Variants in LRRN3 observed in about 807,000 individuals in gnomAD.
LRRN3 encodes leucine-rich repeat neuronal protein 3.
In LRRN3, 15 loss-of-function variants were observed where a neutral mutation model predicts 40.1. That is an observed-to-expected ratio of 0.37 (90% confidence interval 0.25 to 0.58). LRRN3 has a LOEUF of 0.58. Among genes scored for constraint, LRRN3 ranks in the 20% least tolerant of loss-of-function variants. The probability of loss-of-function intolerance (pLI) is 0.72; values close to 1 mark genes in which losing one functional copy is unlikely to be tolerated. For synonymous variants in LRRN3, 308 were observed against 297.2 expected (o/e 1.04, Z -0.37); for missense variants, 746 against 837.7 (o/e 0.89, Z 1.35).
At chr7:111,097,422 A>C (rs1368890767) in intron 1 of LRRN3, 2 of 151,864 alleles carry the variant, frequency 1.3e-5, no homozygotes, top group African/African-American at 4.8e-5. Flanking sequence ...CTTTTTTCTA[A>C]AATTATCAAA....
At chr7:111,091,840 G>A (rs564674196) in intron 1 of LRRN3, among the ~76,000 whole-genome samples, 7 of 152,076 alleles carry the variant, frequency 4.6e-5, no homozygotes, top group South Asian at 2.1e-4. Flanking sequence ...GAGGAGGAGA[G>A]GGAGAGAGAA....
At chr7:111,119,043 C>T (rs1490742918) in intron 2 of LRRN3, among the ~76,000 whole-genome samples, 2 of 152,060 alleles carry the variant, frequency 1.3e-5, no homozygotes, top group African/African-American at 2.4e-5. Flanking sequence ...ATTAAGACTC[C>T]CCCAGAAAGA....
chr7:111,123,049 A>C lies in LRRN3; in HGVS notation c.277A>C (p.Asn93His). The change falls in exon 3 of 3, where the codon AAC (asparagine) becomes CAC (histidine). Residue 93 changes from asparagine to histidine, a missense_variant. Asn to His is a moderately conservative substitution (Grantham distance 68). Transcript: ENST00000308478. The surrounding 1 kb of genome is among the most constrained non-coding windows in gnomAD (Gnocchi z 6.4). ...TGAATACTCCACAGACTTTCCAGTAAACCTTACTGGCCTGGATTTATCTCA... is the reference window on the plus strand; with the variant it reads ...TGAATACTCCACAGACTTTCCAGTACACCTTACTGGCCTGGATTTATCTCA... ...KIEYSTDFPV[N>H]LTGLDLSQNN... The C allele has an allele frequency of 6.2e-7, 1 of 1,613,926 alleles. No homozygotes were observed. Among genetic ancestry groups the C allele is most frequent in the Non-Finnish European group, 8.5e-7 (1 of 1,179,970 alleles).
intron 2 of LRRN3, among the ~76,000 whole-genome samples, chr7:111,116,514 T>C (rs1799898870): frequency 6.6e-6 from 1 of 152,120 alleles, no homozygotes; most frequent in Admixed American, 6.6e-5. Context: ...AAATAATTTT[T>C]CTCTAATAAA....
chr7:111,095,637 T>C lies in LRRN3; in HGVS notation c.-441+4133T>C, dbSNP rs183945797. Among the ~76,000 whole-genome samples the C allele has an allele frequency of 8.3e-4, 127 of 152,166 alleles. 1 individual carries two copies. The highest frequency in any genetic ancestry group is 8.3e-3 in the Admixed American group (126 of 15,224). On this transcript the variant is annotated intron_variant, in intron 1 of 2. Coordinates refer to ENST00000308478, the MANE Select transcript of LRRN3 (RefSeq NM_001099658.2). The stretch of plus-strand genomic sequence containing the variant: ...AGAGTTTTGCCCTGTTTTTAAAACA[T>C]GTTAATAATAATACTGCTATCCTTC...
intron 2 of LRRN3, among the ~76,000 whole-genome samples, chr7:111,111,410 C>CA (rs1478043099): frequency 8.8e-5 from 13 of 148,500 alleles, no homozygotes; most frequent in Non-Finnish European, 1.2e-4. Context: ...CATCCCCCCC[C>CA]AAAAAAAAAT....
chr7:111,114,267 TA>T (rs1291157944), intron 2 of LRRN3, among the ~76,000 whole-genome samples: 10 of 152,298 alleles, frequency 6.6e-5, no homozygotes, highest in Non-Finnish European at 7.4e-5. Flanking sequence ...GTACAGCTCC[TA>T]AGGATCTTTT....
At chr7:111,107,676 C>A (rs542726274) in intron 2 of LRRN3, among the ~76,000 whole-genome samples, 1 of 151,966 alleles carries the variant, frequency 6.6e-6, no homozygotes, top group South Asian at 2.1e-4. Flanking sequence ...ACAATAGATG[C>A]GTTTCATGCT....
rs766727262 is a variant in LRRN3, at chr7:111,124,902, A to G, written c.*3A>G. 3 of 1,527,578 alleles carry G rather than the reference A, an allele frequency of 2.0e-6. No homozygotes were observed. The South Asian group carries it at 3.9e-5, about 20-fold the overall frequency. The allele number at this position is 1,527,578 out of a possible 1,614,324, so 94.6% of individuals were successfully genotyped here. On this transcript the variant is annotated 3_prime_UTR_variant, in exon 3 of 3. Coordinates refer to ENST00000308478, the MANE Select transcript of LRRN3 (RefSeq NM_001099658.2). ...GTTTACCAACAAATATGTCCTAAAAACCACCAAGGAAACCTACTCCAAAAA... is the reference window on the plus strand; with the variant it reads ...GTTTACCAACAAATATGTCCTAAAAGCCACCAAGGAAACCTACTCCAAAAA...
intron 2 of LRRN3, among the ~76,000 whole-genome samples, chr7:111,110,250 T>A (rs1460792378): frequency 1.3e-5 from 2 of 152,194 alleles, no homozygotes; most frequent in Non-Finnish European, 2.9e-5. Flanking sequence ...GGGAAAATGA[T>A]ATTCTTTTTC....
chr7:111,121,280 CA>C (rs1386125964), intron 2 of LRRN3, among the ~76,000 whole-genome samples: 9 of 152,214 alleles, frequency 5.9e-5, no homozygotes, highest in Non-Finnish European at 1.3e-4. Flanking sequence ...GAGTAGATTG[CA>C]AAAATTTTCT....
chr7:111,124,889 A>C lies in LRRN3; in HGVS notation c.2117A>C (p.Asn706Thr). The C allele has an allele frequency of 6.3e-7, 1 of 1,576,476 alleles. No individual in the cohort carries two copies. The highest frequency in any genetic ancestry group is 8.6e-7 in the Non-Finnish European group (1 of 1,167,032). ...VKATVIGLPT[N>T]MS is the part of the protein sequence containing the mutation. The stretch of plus-strand genomic sequence containing the variant: ...GCAACTGTTATAGGTTTACCAACAA[A>C]TATGTCCTAAAAACCACCAAGGAAA... The change falls in exon 3 of 3, where the codon AAT (asparagine) becomes ACT (threonine). Residue 706 changes from asparagine (N) to threonine (T), a missense_variant. Physicochemically the swap from Asn to Thr is moderately conservative, Grantham distance 65. Transcript: ENST00000308478.
At chr7:111,094,140 C>T (rs750208053) in intron 1 of LRRN3, among the ~76,000 whole-genome samples, 2 of 152,040 alleles carry the variant, frequency 1.3e-5, no homozygotes, top group East Asian at 1.9e-4. Context: ...CTCCTCCCCC[C>T]GAATCTGAAT....
intron 2 of LRRN3, among the ~76,000 whole-genome samples, chr7:111,108,354 G>A (rs536761929): frequency 6.6e-6 from 1 of 152,112 alleles, no homozygotes; most frequent in African/African-American, 2.4e-5. Context: ...CAATCATTAA[G>A]AATACATTTT....
intron 1 of LRRN3, among the ~76,000 whole-genome samples, chr7:111,093,230 G>A (rs1430940930): frequency 6.6e-6 from 1 of 152,176 alleles, no homozygotes; most frequent in Non-Finnish European, 1.5e-5. Flanking sequence ...TGAAGCATCA[G>A]CTTGCAATAT....
intron 1 of LRRN3, 98 bp from the exon 2 acceptor site, chr7:111,099,783 C>A (rs188472509): frequency 4.0e-5 from 6 of 151,406 alleles, no homozygotes; most frequent in African/African-American, 1.5e-4. Flanking sequence ...TATTGTGAAT[C>A]ATGAATAACC....
At chr7:111,102,119 C>G (rs1364186152) in intron 2 of LRRN3, among the ~76,000 whole-genome samples, 3 of 151,208 alleles carry the variant, frequency 2.0e-5, no homozygotes, top group Non-Finnish European at 3.0e-5. Flanking sequence ...AACAAAATCC[C>G]TATATTGGGA....
rs1800829472 is a variant in LRRN3 at position 111,122,937 on chromosome 7, T to C, written c.165T>C (p.Cys55=). The change falls in exon 3 of 3, where the codon TGT becomes TGC. Residue 55 remains cysteine (C), a synonymous_variant. Coordinates refer to ENST00000308478, the MANE Select transcript of LRRN3 (RefSeq NM_001099658.2). ...SIYMEASTVD[C]NDLGLLTFPA... is the part of the protein sequence containing the mutation. The stretch of plus-strand genomic sequence containing the variant: ...ATATGGAAGCATCTACAGTGGATTG[T>C]AATGATTTAGGTCTTTTAACTTTCC... 4 of 1,614,074 alleles carry C rather than the reference T, an allele frequency of 2.5e-6. No individual in the cohort carries two copies. In the East Asian group the frequency reaches 6.7e-5, roughly 27 times the overall value.
chr7:111,100,177 T>C (rs925846140), intron 2 of LRRN3, among the ~76,000 whole-genome samples: 10 of 151,596 alleles, frequency 6.6e-5, no homozygotes, highest in African/African-American at 1.5e-4. Flanking sequence ...TGGTGTCTGG[T>C]TACATGAATA....
Sources: allele counts gnomAD v4.1 joint callset (sites outside exome capture counted in the v4.1 genomes callset), GRCh38; gene constraint gnomAD v4.1.1; non-coding constraint Gnocchi (gnomAD v3.1); transcripts MANE v1.5; gene names NCBI Gene and HGNC (gene_info 2026-07-23, HGNC 2026-07-21).